The following ADAMTS16 variants were observed in gnomAD, a reference collection of about 807,000 sequenced individuals.
The protein encoded by ADAMTS16 is A disintegrin and metalloproteinase with thrombospondin motifs 16.
A neutral mutation model predicts 145.8 loss-of-function variants in ADAMTS16; 94 were observed. The observed-to-expected ratio is 0.64, with a 90% CI of 0.55 to 0.77. The LOEUF (loss-of-function observed/expected upper bound fraction) is 0.77. Among genes scored for constraint, ADAMTS16 ranks in the 30% least tolerant of loss-of-function variants. The probability of loss-of-function intolerance (pLI) is 0.00; values close to 1 mark genes in which losing one functional copy is unlikely to be tolerated. For synonymous variants in ADAMTS16, 659 were observed against 604.3 expected, an observed-to-expected ratio of 1.09 and a Z score of -1.33; for missense variants, 1,585 against 1,591.5, an observed-to-expected ratio of 1.00 and a Z score of 0.07.
intron 21 of ADAMTS16, among the ~76,000 whole-genome samples, chr5:5,313,645 A>G (rs773977797): frequency 6.6e-6 from 1 of 152,228 alleles, no homozygotes; most frequent in Non-Finnish European, 1.5e-5. Context: ...CAGCGCACAC[A>G]CTGATTTGGA....
intron 18 of ADAMTS16, among the ~76,000 whole-genome samples, chr5:5,294,832 G>A (rs1482788548): frequency 6.6e-6 from 1 of 152,196 alleles, no homozygotes; most frequent in East Asian, 1.9e-4. Context: ...AGGAAAGGAA[G>A]AGGGTGCAAA....
At chr5:5,251,557 C>T (rs191452682) in intron 17 of ADAMTS16, among the ~76,000 whole-genome samples, 368 of 152,290 alleles carry the variant, frequency 2.4e-3, no homozygotes, top group African/African-American at 6.8e-3. Context: ...ACCCTGACTA[C>T]AAATATGTGT....
chr5:5,206,099 G>T (rs1170058052), intron 9 of ADAMTS16, among the ~76,000 whole-genome samples: 2 of 152,100 alleles, frequency 1.3e-5, no homozygotes, highest in Non-Finnish European at 2.9e-5. Context: ...TTAGCTGTAT[G>T]ATCCATTGTG....
rs1334418141 is a variant in ADAMTS16 at position 5,232,512 on chromosome 5, C to T, written c.1846C>T (p.Pro616Ser). ...VSHRSRLCTNPKPSHGGKFCE... is the reference protein window; with the variant it reads ...VSHRSRLCTNSKPSHGGKFCE... ...TCATAGGAGTCGCCTCTGCACCAAC[C>T]CCAAGTAAGTATGCCTTGACCTCCT... Residue 616 changes from proline (P) to serine (S), a missense_variant, in exon 12 of 23, where the codon CCC becomes TCC. Physicochemically the swap from Pro to Ser is moderately conservative, Grantham distance 74. Around this residue, in one of 3 missense-constraint regions of ADAMTS16, gnomAD observed 834 missense variants for 811.7 expected, o/e 1.03. Coordinates refer to ENST00000274181, the MANE Select transcript of ADAMTS16 (RefSeq NM_139056.4). The T allele has an allele frequency of 1.2e-6, 2 of 1,613,222 alleles. No homozygotes were observed. Among genetic ancestry groups the T allele is most frequent in the South Asian group, 1.1e-5 (1 of 91,032 alleles).
intron 13 of ADAMTS16, among the ~76,000 whole-genome samples, chr5:5,235,534 G>C (rs1250958292): frequency 6.6e-6 from 1 of 152,168 alleles, no homozygotes; most frequent in East Asian, 1.9e-4. Context: ...GTTGCTATAA[G>C]CAAGTTACCC....
At chr5:5,189,327 GCT>G (rs1262445608) in intron 6 of ADAMTS16, among the ~76,000 whole-genome samples, 1 of 152,124 alleles carries the variant, frequency 6.6e-6, no homozygotes, top group African/African-American at 2.4e-5. Flanking sequence ...AATGTTCTAC[GCT>G]CTGTTACTTC....
At chr5:5,261,739 C>T (rs146443596) in intron 17 of ADAMTS16, among the ~76,000 whole-genome samples, 96 of 152,252 alleles carry the variant, frequency 6.3e-4, no homozygotes, top group African/African-American at 2.2e-3. Flanking sequence ...CCGCCTCGGC[C>T]GCCCAAAGTA....
chr5:5,179,693 G>A (rs2126556155), intron 3 of ADAMTS16, among the ~76,000 whole-genome samples: 1 of 152,312 alleles, frequency 6.6e-6, no homozygotes, highest in South Asian at 2.1e-4. Context: ...TTCATGAATA[G>A]CACTGCAGGA....
At chr5:5,236,517 A>C (rs1340497197) in intron 13 of ADAMTS16, among the ~76,000 whole-genome samples, 1 of 152,074 alleles carries the variant, frequency 6.6e-6, no homozygotes, top group Non-Finnish European at 1.5e-5. Context: ...TTTAATTTTT[A>C]TGTATTTTAC....
At chr5:5,159,967 T>A (rs926097125) in intron 3 of ADAMTS16, among the ~76,000 whole-genome samples, 1 of 152,168 alleles carries the variant, frequency 6.6e-6, no homozygotes, top group East Asian at 1.9e-4. Flanking sequence ...ATGACCTAAC[T>A]GAAGATGGGG....
chr5:5,168,628 T>C (rs1376775386), intron 3 of ADAMTS16, among the ~76,000 whole-genome samples: 2 of 85,042 alleles, frequency 2.4e-5, no homozygotes, highest in Non-Finnish European at 5.1e-5. Context: ...TATTATATTA[T>C]ATATAATATA....
rs753820628 is a variant in ADAMTS16, at chr5:5,288,363, G to A, written c.2790-14905G>A. 7.7e-4 allele frequency among the ~76,000 whole-genome samples: 118 copies of A among 152,280 alleles called. 2 individuals carry two copies. The highest frequency in any genetic ancestry group is 1.5e-3 in the Non-Finnish European group (102 of 68,020). ...TGTTTAAATTCATGTTAGACACGTA[G>A]GCTTTCCCTAGAATGCCACGTAAAA... On this transcript the variant is annotated intron_variant, in intron 18 of 22. Coordinates refer to ENST00000274181, the MANE Select transcript of ADAMTS16 (RefSeq NM_139056.4).
intron 11 of ADAMTS16, among the ~76,000 whole-genome samples, chr5:5,231,348 C>T (rs1463024665): frequency 3.3e-5 from 5 of 152,160 alleles, no homozygotes; most frequent in Admixed American, 1.3e-4. Flanking sequence ...TGTGCCAACA[C>T]TGGTCAGATA....
rs1287610004 is a variant in ADAMTS16 at position 5,317,790 on chromosome 5, T to G, written c.3412-344T>G. On this transcript the variant is annotated intron_variant, in intron 21 of 22. Coordinates refer to ENST00000274181, the MANE Select transcript of ADAMTS16 (RefSeq NM_139056.4). The surrounding 1 kb of genome is among the most constrained non-coding windows in gnomAD (Gnocchi z 4.5). Reference sequence around the variant, plus strand: ...GACTATAGAATCCAACTCTAGCGGTTCAAATCCCAGCCTGAGCAAGTCCTG... The same window carrying G: ...GACTATAGAATCCAACTCTAGCGGTGCAAATCCCAGCCTGAGCAAGTCCTG... Among the ~76,000 whole-genome samples the G allele has an allele frequency of 2.0e-5, 3 of 152,192 alleles. No homozygotes were observed. Among genetic ancestry groups the G allele is most frequent in the Non-Finnish European group, 4.4e-5 (3 of 68,030 alleles).
intron 4 of ADAMTS16, among the ~76,000 whole-genome samples, chr5:5,183,773 G>A (rs1735413394): frequency 6.6e-6 from 1 of 152,236 alleles, no homozygotes; most frequent in African/African-American, 2.4e-5. Context: ...ATAGGCATGG[G>A]AGTGTGCGTG....
At chr5:5,294,140 A>G (rs1236644885) in intron 18 of ADAMTS16, among the ~76,000 whole-genome samples, 1 of 152,228 alleles carries the variant, frequency 6.6e-6, no homozygotes, top group Non-Finnish European at 1.5e-5. Flanking sequence ...CTTAGAAGCT[A>G]GGGGACAATT....
At chr5:5,292,224 A>C (rs1739351396) in intron 18 of ADAMTS16, among the ~76,000 whole-genome samples, 1 of 152,184 alleles carries the variant, frequency 6.6e-6, no homozygotes, top group South Asian at 2.1e-4. Flanking sequence ...GGCCAGACGC[A>C]GTGGCTCACG....
intron 3 of ADAMTS16, among the ~76,000 whole-genome samples, chr5:5,154,144 A>G (rs758367302): frequency 6.6e-6 from 1 of 152,234 alleles, no homozygotes; most frequent in Non-Finnish European, 1.5e-5. Context: ...AGGAATAGAG[A>G]GGAAGAACCC....
At chr5:5,267,701 T>C (rs1738294520) in intron 18 of ADAMTS16, among the ~76,000 whole-genome samples, 1 of 152,184 alleles carries the variant, frequency 6.6e-6, no homozygotes, top group Admixed American at 6.5e-5. Context: ...AGGGTTTTTA[T>C]AGGCCCAGGA....
Sources: gnomAD v4.1 joint callset for allele counts (sites outside exome capture counted in the v4.1 genomes callset) on GRCh38, gnomAD v4.1.1 for gene constraint, gnomAD v4.1.1 regional missense constraint, Gnocchi (gnomAD v3.1) non-coding constraint, MANE v1.5 for transcripts, NCBI Gene and HGNC (gene_info 2026-07-23, HGNC 2026-07-21) for gene names.